FRAS1: variants seen among roughly 807,000 people sequenced by gnomAD.
FRAS1 encodes Fraser extracellular matrix complex subunit 1.
FRAS1 carries 290 observed loss-of-function variants against 435.2 expected under a neutral mutation model. The observed-to-expected ratio is 0.67, with a 90% CI of 0.61 to 0.73. The LOEUF is 0.73. Among genes scored for constraint, FRAS1 ranks in the 30% least tolerant of loss-of-function variants. The pLI is 0.00. For missense variants in FRAS1, 4,860 were observed against 5,001.5 expected, an observed-to-expected ratio of 0.97 and a Z score of 0.85; for synonymous variants, 1,800 against 1,851.0, an observed-to-expected ratio of 0.97 and a Z score of 0.71.
At chr4:78,182,107 G>C in intron 2 of FRAS1, 1 of 1,257,750 alleles carries the variant, frequency 8.0e-7, no homozygotes, top group Non-Finnish European at 1.1e-6. Flanking sequence ...AGCCAAGAGC[G>C]CCTGCTTCAG....
intron 9 of FRAS1, among the ~76,000 whole-genome samples, chr4:78,268,857 C>T (rs888320500): frequency 6.6e-5 from 10 of 152,188 alleles, no homozygotes; most frequent in Non-Finnish European, 1.5e-4. Context: ...CTTCAGTATT[C>T]AAGTCACCCC....
In FRAS1 at chr4:78,237,616, A is replaced by T; in HGVS notation, c.215A>T (p.Lys72Met). The T allele has an allele frequency of 6.3e-7, 1 of 1,576,352 alleles. No homozygotes were observed. The highest frequency in any genetic ancestry group is 8.7e-7 in the Non-Finnish European group (1 of 1,149,556). ...VCRNPQCAFE[K>M]GEVLQIAANQ... ...AGAAACCCTCAATGTGCCTTTGAGA[A>T]GGTACGGTATCCTAATTGTGTCCTA... The change falls in exon 3 of 74, where the codon AAG becomes ATG. Residue 72 changes from lysine to methionine, a missense_variant and splice_region_variant. Transcript: ENST00000512123.
chr4:78,427,216 A>C (rs1161635462), intron 35 of FRAS1, among the ~76,000 whole-genome samples: 1 of 152,172 alleles, frequency 6.6e-6, no homozygotes, highest in Non-Finnish European at 1.5e-5. Flanking sequence ...AAAAGAGAAC[A>C]AGAGACTTAA....
intron 14 of FRAS1, among the ~76,000 whole-genome samples, chr4:78,299,825 A>G (rs1728307852): frequency 6.6e-6 from 1 of 152,216 alleles, no homozygotes; most frequent in Admixed American, 6.5e-5. Context: ...CTTGGCACTT[A>G]TGCCCCAGTG....
chr4:78,451,073 T>C (rs1719003770), intron 45 of FRAS1, among the ~76,000 whole-genome samples: 1 of 150,982 alleles, frequency 6.6e-6, no homozygotes, highest in South Asian at 2.1e-4. Flanking sequence ...TGAAGGGGAG[T>C]GGAAGAGGCA....
Position 78,315,815 on chromosome 4 carries a change from T to C in FRAS1, c.1819+81T>C, listed in dbSNP as rs1038771726. The C allele has an allele frequency of 8.0e-6, 12 of 1,491,102 alleles. No homozygotes were observed. In the African/African-American group the frequency reaches 1.5e-4, roughly 19 times the overall value. The allele number at this position is 1,491,102 out of a possible 1,614,324, so 92.4% of individuals were successfully genotyped here. ...ATACTTGGTGTTATATGTTGCTAAT[T>C]TGGGAACTCGAGTGTATGATGGGAA... On this transcript the variant is annotated intron_variant, in intron 16 of 73. Transcript: ENST00000512123.
chr4:78,446,978 A>G (rs943567819), intron 43 of FRAS1, 98 bp downstream of exon 43: 15 of 1,174,382 alleles, frequency 1.3e-5, no homozygotes, highest in African/African-American at 9.4e-5. Context: ...CTTTTCTTGT[A>G]TATGGTACAT....
chr4:78,378,302 C>T (rs74764032), intron 26 of FRAS1, among the ~76,000 whole-genome samples: 1 of 152,038 alleles, frequency 6.6e-6, no homozygotes, highest in Non-Finnish European at 1.5e-5. Context: ...TGTGACATAC[C>T]ACATTTTATT....
At chr4:78,168,865 G>A (rs1435587112) in intron 2 of FRAS1, among the ~76,000 whole-genome samples, 3 of 152,114 alleles carry the variant, frequency 2.0e-5, no homozygotes, top group East Asian at 1.9e-4. Flanking sequence ...TTCTTCTTGG[G>A]GCCATTGTAT....
chr4:78,129,297 C>G (rs545166781), intron 2 of FRAS1, among the ~76,000 whole-genome samples: 1 of 152,252 alleles, frequency 6.6e-6, no homozygotes, highest in African/African-American at 2.4e-5. Context: ...TGAAGAAAGT[C>G]ATTGTTATGA....
intron 27 of FRAS1, among the ~76,000 whole-genome samples, chr4:78,383,291 A>G (rs899436758): frequency 6.6e-6 from 1 of 152,216 alleles, no homozygotes; most frequent in Admixed American, 6.5e-5. Flanking sequence ...ACCAAGGGCA[A>G]TTGTGCTCCA....
At position 78,499,716 on chromosome 4, in the gene FRAS1, C is replaced by A. The variant is rs7695038; in HGVS notation, c.9116-5C>A. On this transcript the variant is annotated splice_region_variant and splice_polypyrimidine_tract_variant and intron_variant, in intron 60 of 73. Transcript: ENST00000512123. Reference sequence around the variant, plus strand: ...GCTCTTGTTTTCCTAACCATATTTCCTTAGCCCCCACCATTGAGTTTGAAG... The same window carrying A: ...GCTCTTGTTTTCCTAACCATATTTCATTAGCCCCCACCATTGAGTTTGAAG... 593 of 1,612,096 alleles carry A rather than the reference C, an allele frequency of 3.7e-4. 4 individuals carry two copies. The South Asian group carries it at 6.0e-3, about 16-fold the overall frequency.
chr4:78,296,632 G>A (rs1410274652), intron 14 of FRAS1, among the ~76,000 whole-genome samples: 1 of 152,196 alleles, frequency 6.6e-6, no homozygotes, highest in African/African-American at 2.4e-5. Context: ...ACTGCTAAGT[G>A]TGAAGCCCCT....
At position 78,261,314 on chromosome 4, in the gene FRAS1, A is replaced by G. The variant is rs1199270468; in HGVS notation, c.604-3711A>G. Among the ~76,000 whole-genome samples the G allele has an allele frequency of 2.8e-5, 4 of 144,376 alleles. No individual in the cohort carries two copies. The East Asian group carries it at 8.8e-4, about 32-fold the overall frequency. The allele number at this position is 144,376 out of a possible 152,430, so 94.7% of individuals were successfully genotyped here. Reference sequence around the variant, plus strand: ...TACTGAACTTACAAAATGGCTTTTAAACATTTTTGTTTAGATCCTGTAGTA... The same window carrying G: ...TACTGAACTTACAAAATGGCTTTTAGACATTTTTGTTTAGATCCTGTAGTA... On this transcript the variant is annotated intron_variant, in intron 6 of 73. Transcript: ENST00000512123.
At chr4:78,343,839 G>A (rs1451323241) in intron 20 of FRAS1, among the ~76,000 whole-genome samples, 2 of 152,186 alleles carry the variant, frequency 1.3e-5, no homozygotes, top group Admixed American at 1.3e-4. Flanking sequence ...CACAGTGACT[G>A]GAAGCCAGAG....
intron 3 of FRAS1, among the ~76,000 whole-genome samples, chr4:78,243,190 A>C (rs34352391): frequency 0.94 from 141,667 of 150,502 alleles, 66,611 homozygotes; most frequent in East Asian, 1. Context: ...AACTCTCTCT[A>C]TATATATATA....
intron 4 of FRAS1, among the ~76,000 whole-genome samples, chr4:78,248,266 G>T (rs59603738): frequency 0.014 from 2,131 of 152,276 alleles, 57 homozygotes; most frequent in African/African-American, 0.048. Flanking sequence ...TTTTGGATTT[G>T]TGCCTCGCCA....
chr4:78,418,815 A>G, intron 32 of FRAS1, 134 bp from the exon 33 acceptor site: 1 of 568,120 alleles, frequency 1.8e-6, no homozygotes, highest in East Asian at 3.1e-5. Context: ...CTTCTTTTGA[A>G]CTCTCGAAAA....
At chr4:78,423,670 A>C (rs181376650) in intron 34 of FRAS1, among the ~76,000 whole-genome samples, 1 of 152,180 alleles carries the variant, frequency 6.6e-6, no homozygotes, top group Non-Finnish European at 1.5e-5. Context: ...CGCCCAGAAA[A>C]CAGTTAACTC....
Sources: allele counts gnomAD v4.1 joint callset (sites outside exome capture counted in the v4.1 genomes callset), GRCh38; gene constraint gnomAD v4.1.1; transcripts MANE v1.5; gene names NCBI Gene and HGNC (gene_info 2026-07-23, HGNC 2026-07-21).